Variants in ASAP2 observed in about 807,000 individuals in gnomAD.
ASAP2 encodes the protein ArfGAP with SH3 domain, ankyrin repeat and PH domain 2.
In ASAP2, 45 loss-of-function variants were observed where a neutral mutation model predicts 131.4. The ratio of observed to expected loss-of-function variants is 0.34; its 90% CI spans 0.27 to 0.44. The LOEUF (loss-of-function observed/expected upper bound fraction) is 0.44, where lower values mean the gene tolerates loss of function less well. ASAP2 is among the 20% of genes least tolerant of loss of function. The pLI, the probability that ASAP2 is intolerant of heterozygous loss-of-function variation, is 1.00. For synonymous variants in ASAP2, 510 were observed against 503.0 expected (o/e 1.01, Z -0.19); for missense variants, 1,011 against 1,297.0 (o/e 0.78, Z 3.39).
At chr2:9,295,059 C>T (rs1324036503) in intron 2 of ASAP2, among the ~76,000 whole-genome samples, 1 of 152,192 alleles carries the variant, frequency 6.6e-6, no homozygotes. Flanking sequence ...AGGACCTATC[C>T]TTCACTGTTA....
chr2:9,301,487 GA>G (rs1350130312), intron 3 of ASAP2, among the ~76,000 whole-genome samples: 1 of 152,220 alleles, frequency 6.6e-6, no homozygotes, highest in Non-Finnish European at 1.5e-5. Context: ...ATGGATGTGA[GA>G]ATCCTGGAAA....
In ASAP2 at chr2:9,391,070, GCCT is replaced by G; in HGVS notation, c.2397_2399del (p.Ser800del). The G allele has an allele frequency of 1.9e-6, 3 of 1,614,256 alleles. No homozygotes were observed. The highest frequency in any genetic ancestry group is 8.5e-7 in the Non-Finnish European group (1 of 1,180,052). The stretch of plus-strand genomic sequence containing the variant: ...CATGCGTGTGGGTTCAGTTCAGACA[GCCT>G]CCTCTGCTAACACCCTGTGGAAGAC... On this transcript the variant is annotated inframe_deletion, in exon 23 of 28. Transcript: ENST00000281419.
chr2:9,349,613 C>G (rs1320388387), intron 11 of ASAP2, among the ~76,000 whole-genome samples: 1 of 152,230 alleles, frequency 6.6e-6, no homozygotes, highest in Non-Finnish European at 1.5e-5. Context: ...TGGAGAATAT[C>G]TGACTAACCT....
At chr2:9,212,524 G>A (rs747900466) in intron 1 of ASAP2, among the ~76,000 whole-genome samples, 4 of 152,144 alleles carry the variant, frequency 2.6e-5, no homozygotes, top group African/African-American at 4.8e-5. Flanking sequence ...GGCCAGCTCG[G>A]CGTCTGCGGT....
intron 16 of ASAP2, among the ~76,000 whole-genome samples, chr2:9,372,531 A>G (rs983882074): frequency 5.9e-5 from 9 of 152,232 alleles, no homozygotes; most frequent in African/African-American, 9.6e-5. Flanking sequence ...AGTTCCTACC[A>G]TGTATTTCTG....
At chr2:9,211,052 G>A (rs1035839472) in intron 1 of ASAP2, among the ~76,000 whole-genome samples, 40 of 152,164 alleles carry the variant, frequency 2.6e-4, no homozygotes, top group African/African-American at 9.6e-4. Flanking sequence ...CTACTTGGGA[G>A]GCTGAGGCAG....
chr2:9,391,304 C>A, intron 23 of ASAP2, 108 bp downstream of exon 23: 1 of 1,450,460 alleles, frequency 6.9e-7, no homozygotes, highest in Non-Finnish European at 9.3e-7. Flanking sequence ...GTGCCAAGTG[C>A]CCCGTGTTGT....
rs907652588 is a variant in ASAP2 at position 9,207,361 on chromosome 2, G to A, written c.126+131G>A. 3.9e-6 allele frequency: 5 copies of A among 1,277,032 alleles called. No individual in the cohort carries two copies. The highest frequency in any genetic ancestry group is 2.9e-4 in the Middle Eastern group (1 of 3,498). 79.1% of individuals were successfully genotyped at this position (1,277,032 alleles called of 1,614,324 possible). A position where few individuals can be genotyped will look rare whatever the true frequency, so the allele number is the denominator to read the frequency against. ...GGACGCGGCCGGGCCAACCCTGCCC[G>A]AGACAGAAGCCCTTTGTTCCCGCCT... On this transcript the variant is annotated intron_variant, in intron 1 of 27. Coordinates refer to ENST00000281419, the MANE Select transcript of ASAP2 (RefSeq NM_003887.3). This position sits in a 1 kb window ranked among gnomAD's most constrained non-coding sequence, Gnocchi z 4.1.
intron 1 of ASAP2, among the ~76,000 whole-genome samples, chr2:9,241,621 C>T (rs1179227118): frequency 6.6e-6 from 1 of 152,174 alleles, no homozygotes; most frequent in Non-Finnish European, 1.5e-5. Context: ...GCACTCCAGC[C>T]TGGAGTCTCA....
chr2:9,390,305 C>A (rs2148791431), intron 22 of ASAP2, among the ~76,000 whole-genome samples: 1 of 152,316 alleles, frequency 6.6e-6, no homozygotes, highest in South Asian at 2.1e-4. Flanking sequence ...TTGGGGCGGA[C>A]CTGGCTCCCC....
chr2:9,388,559 C>T lies in ASAP2; in HGVS notation c.2383+13C>T. 1 of 1,608,676 alleles carries T rather than the reference C, an allele frequency of 6.2e-7. No individual in the cohort carries two copies. The highest frequency in any genetic ancestry group is 1.1e-5 in the South Asian group (1 of 90,160). ...AATGTTGGCAAAGGTATGAAGCTGT[C>T]CGTCATCCCTGTGAATATATAGAGG... On this transcript the variant is annotated intron_variant, in intron 22 of 27. Coordinates refer to ENST00000281419, the MANE Select transcript of ASAP2 (RefSeq NM_003887.3).
intron 1 of ASAP2, among the ~76,000 whole-genome samples, chr2:9,222,118 G>A (rs192033022): frequency 6.6e-6 from 1 of 152,200 alleles, no homozygotes; most frequent in Non-Finnish European, 1.5e-5. Context: ...TGCTGGATCA[G>A]TTCTTAATCA....
chr2:9,361,755 A>G (rs1385535164), intron 15 of ASAP2, among the ~76,000 whole-genome samples: 1 of 152,026 alleles, frequency 6.6e-6, no homozygotes, highest in Non-Finnish European at 1.5e-5. Flanking sequence ...TTTGGTAGAG[A>G]TGGTCTTTCG....
chr2:9,207,436 C>G lies in ASAP2; in HGVS notation c.126+206C>G, dbSNP rs1275712859. Among the ~76,000 whole-genome samples the G allele has an allele frequency of 6.6e-6, 1 of 152,164 alleles. No homozygotes were observed. Among genetic ancestry groups the G allele is most frequent in the Non-Finnish European group, 1.5e-5 (1 of 68,008 alleles). The stretch of plus-strand genomic sequence containing the variant: ...TGGCCACCTTGGGCCTCTTTAAGAC[C>G]TCCCCTCTCTCGGCCTCGTGGCCCT... On this transcript the variant is annotated intron_variant, in intron 1 of 27. Coordinates refer to ENST00000281419, the MANE Select transcript of ASAP2 (RefSeq NM_003887.3). This position sits in a 1 kb window ranked among gnomAD's most constrained non-coding sequence, Gnocchi z 4.1.
intron 16 of ASAP2, among the ~76,000 whole-genome samples, chr2:9,374,521 G>A (rs563866495): frequency 2.0e-5 from 3 of 152,340 alleles, no homozygotes; most frequent in Non-Finnish European, 2.9e-5. Context: ...GCAGAGAGGC[G>A]GGTGGGCTGA....
chr2:9,336,914 TTAAAA>T (rs1671242267), intron 9 of ASAP2, among the ~76,000 whole-genome samples: 1 of 152,168 alleles, frequency 6.6e-6, no homozygotes. Context: ...AAGCTCAGGT[TTAAAA>T]TAAGGCAGAG....
intron 20 of ASAP2, among the ~76,000 whole-genome samples, chr2:9,381,620 C>T (rs1176221206): frequency 6.6e-6 from 1 of 152,312 alleles, no homozygotes; most frequent in Non-Finnish European, 1.5e-5. Flanking sequence ...CCTGTAGCCC[C>T]AGTTACCCAG....
chr2:9,216,424 C>A (rs1314017194), intron 1 of ASAP2, among the ~76,000 whole-genome samples: 1 of 146,728 alleles, frequency 6.8e-6, no homozygotes, highest in African/African-American at 2.5e-5. Context: ...GTAGCTGGGA[C>A]TACAGGTGTG....
chr2:9,262,244 A>AT (rs1274300501), intron 1 of ASAP2, among the ~76,000 whole-genome samples: 3 of 152,054 alleles, frequency 2.0e-5, no homozygotes, highest in Admixed American at 2.0e-4. Context: ...GTTCTTAGAG[A>AT]TTTTTTTCTC....
Sources: allele counts gnomAD v4.1 joint callset (sites outside exome capture counted in the v4.1 genomes callset), GRCh38; gene constraint gnomAD v4.1.1; non-coding constraint Gnocchi (gnomAD v3.1); transcripts MANE v1.5; gene names NCBI Gene and HGNC (gene_info 2026-07-23, HGNC 2026-07-21).